Variants in UGT1A8 observed in about 807,000 individuals in gnomAD.
The protein encoded by UGT1A8 is UDP-glucuronosyltransferase 1A8.
A neutral mutation model predicts 45.3 loss-of-function variants in UGT1A8; 39 were observed. The observed-to-expected ratio is 0.86, with a 90% CI of 0.67 to 1.12. The LOEUF (loss-of-function observed/expected upper bound fraction) is 1.12, where lower values mean the gene tolerates loss of function less well. Among genes scored for constraint, UGT1A8 ranks in the 50% most tolerant of loss-of-function variants. The pLI is 0.00. For missense variants in UGT1A8, 719 were observed against 664.9 expected (o/e 1.08, Z -0.90); for synonymous variants, 275 against 249.2 (o/e 1.10, Z -0.97).
At chr2:233,671,920 A>G in intron 1 of UGT1A8, 1 of 1,593,910 alleles carries the variant, frequency 6.3e-7, no homozygotes, top group Non-Finnish European at 8.5e-7. Context: ...GCTTGCTCTC[A>G]GCTGCAGTTC....
At chr2:233,763,924 T>C (rs1294643853) in intron 1 of UGT1A8, among the ~76,000 whole-genome samples, 1 of 152,112 alleles carries the variant, frequency 6.6e-6, no homozygotes, top group African/African-American at 2.4e-5. Context: ...GGCTTCGAGA[T>C]GGCCAGGAGA....
At chr2:233,754,118 A>C (rs562649705) in intron 1 of UGT1A8, among the ~76,000 whole-genome samples, 4 of 152,236 alleles carry the variant, frequency 2.6e-5, no homozygotes, top group Non-Finnish European at 5.9e-5. Flanking sequence ...CATCACGAGC[A>C]TTTATGTGCA....
intron 1 of UGT1A8, among the ~76,000 whole-genome samples, chr2:233,711,075 T>C (rs1229421312): frequency 6.6e-6 from 1 of 152,254 alleles, no homozygotes; most frequent in Admixed American, 6.5e-5. Context: ...CTTATGCTGA[T>C]GGCTCCAAGT....
At chr2:233,707,410 C>G (rs370050172) in intron 1 of UGT1A8, among the ~76,000 whole-genome samples, 97 of 152,270 alleles carry the variant, frequency 6.4e-4, no homozygotes, top group African/African-American at 2.3e-3. Context: ...TGTTCTCTCT[C>G]CCTCGACTAT....
chr2:233,666,636 T>C (rs1337392025), intron 1 of UGT1A8, among the ~76,000 whole-genome samples: 1 of 152,142 alleles, frequency 6.6e-6, no homozygotes, highest in Non-Finnish European at 1.5e-5. Context: ...TTGTTTGTTT[T>C]TATTTTTTTA....
chr2:233,672,014 A>G (rs2074206931), intron 1 of UGT1A8: 2 of 1,614,010 alleles, frequency 1.2e-6, no homozygotes, highest in Non-Finnish European at 1.7e-6. Context: ...GAGGCAGGGA[A>G]GCTACTGGTA....
At chr2:233,629,809 G>T (rs1202437230) in intron 1 of UGT1A8, among the ~76,000 whole-genome samples, 2 of 152,078 alleles carry the variant, frequency 1.3e-5, no homozygotes, top group Non-Finnish European at 2.9e-5. Flanking sequence ...AAAGATACAG[G>T]TTACTTCTAT....
chr2:233,641,218 A>G (rs1380037247), intron 1 of UGT1A8, among the ~76,000 whole-genome samples: 2 of 152,134 alleles, frequency 1.3e-5, no homozygotes, highest in Non-Finnish European at 1.5e-5. Flanking sequence ...TTCTTTACCT[A>G]CAAGTATCTT....
Position 233,767,859 on chromosome 2 carries a change from G to T in UGT1A8, c.998G>T (p.Arg333Leu). Residue 333 changes from arginine (R) to leucine (L), a missense_variant, in exon 3 of 5, where the codon CGG becomes CTG. Arg to Leu is a moderately radical substitution (Grantham distance 102, BLOSUM62 -2). Coordinates refer to ENST00000373450, the MANE Select transcript of UGT1A8 (RefSeq NM_019076.5). ...TTTTGCCCCTCCCAGGTCCTGTGGC[G>T]GTACACTGGAACCCGACCATCGAAT... ...LGKIPQTVLW[R>L]YTGTRPSNLA... 6.2e-7 allele frequency: 1 copy of T among 1,614,058 alleles called. No individual in the cohort carries two copies.
At chr2:233,655,784 T>A (rs1275053802) in intron 1 of UGT1A8, among the ~76,000 whole-genome samples, 1 of 152,148 alleles carries the variant, frequency 6.6e-6, no homozygotes, top group East Asian at 1.9e-4. Context: ...CAATGCTAAG[T>A]GGGGTTGGCT....
At chr2:233,717,554 G>A (rs1310316217) in intron 1 of UGT1A8, among the ~76,000 whole-genome samples, 2 of 152,208 alleles carry the variant, frequency 1.3e-5, no homozygotes, top group Non-Finnish European at 2.9e-5. Context: ...CACCAGCAAT[G>A]GCAGACATGG....
chr2:233,712,012 T>G (rs2076210233), intron 1 of UGT1A8, among the ~76,000 whole-genome samples: 1 of 152,224 alleles, frequency 6.6e-6, no homozygotes, highest in Non-Finnish European at 1.5e-5. Flanking sequence ...GGAACCATTC[T>G]TATCAGAACT....
chr2:233,712,580 A>G (rs1406304972), intron 1 of UGT1A8, among the ~76,000 whole-genome samples: 1 of 152,234 alleles, frequency 6.6e-6, no homozygotes, highest in Non-Finnish European at 1.5e-5. Flanking sequence ...GGTCACATCC[A>G]GCAGAGACCA....
At chr2:233,682,209 T>C (rs748750043) in intron 1 of UGT1A8, 10 of 1,614,108 alleles carry the variant, frequency 6.2e-6, no homozygotes, top group Middle Eastern at 1.6e-4. Context: ...CGGGAGTTCA[T>C]GGTTTTTGCC....
chr2:233,671,976 G>A (rs376535701), intron 1 of UGT1A8: 12 of 1,613,952 alleles, frequency 7.4e-6, no homozygotes, highest in Non-Finnish European at 9.3e-6. Flanking sequence ...CTCTATGTGT[G>A]TGTCTGCTGC....
chr2:233,626,920 C>T (rs113647081), intron 1 of UGT1A8, among the ~76,000 whole-genome samples: 3 of 152,112 alleles, frequency 2.0e-5, no homozygotes, highest in African/African-American at 4.8e-5. Context: ...AGGGACAAAG[C>T]GTTGATGGAA....
At chr2:233,669,448 C>CATAT (rs770794155) in intron 1 of UGT1A8, among the ~76,000 whole-genome samples, 36 of 152,214 alleles carry the variant, frequency 2.4e-4, no homozygotes, top group Middle Eastern at 6.8e-3. Flanking sequence ...GATTCATGAA[C>CATAT]ATATCTATTT....
intron 1 of UGT1A8, among the ~76,000 whole-genome samples, chr2:233,737,200 G>A (rs1173255293): frequency 1.3e-5 from 2 of 152,180 alleles, no homozygotes; most frequent in African/African-American, 4.8e-5. Context: ...GCTGAGCTGC[G>A]GTGGACTCTG....
At chr2:233,758,188 A>G (rs1349167562) in intron 1 of UGT1A8, among the ~76,000 whole-genome samples, 2 of 152,180 alleles carry the variant, frequency 1.3e-5, no homozygotes, top group African/African-American at 4.8e-5. Flanking sequence ...TATTAATTGG[A>G]TTGCTTAGTA....
Sources: gnomAD v4.1 joint callset for allele counts (sites outside exome capture counted in the v4.1 genomes callset) on GRCh38, gnomAD v4.1.1 for gene constraint, MANE v1.5 for transcripts, NCBI Gene and HGNC (gene_info 2026-07-23, HGNC 2026-07-21) for gene names.